The following SAMD12 variants were observed in gnomAD, a reference collection of about 807,000 sequenced individuals.
SAMD12 encodes the protein sterile alpha motif domain containing 12, also known as sterile alpha motif domain-containing protein 12.
A neutral mutation model predicts 15.0 loss-of-function variants in SAMD12; 9 were observed. The observed-to-expected ratio is 0.60, with a 90% CI of 0.36 to 1.05. The LOEUF (loss-of-function observed/expected upper bound fraction) is 1.05, where lower values mean the gene tolerates loss of function less well. Among genes scored for constraint, SAMD12 ranks in the 50% least tolerant of loss-of-function variants. SAMD12 has a pLI of 0.01. For missense variants in SAMD12, 230 were observed against 234.2 expected (o/e 0.98, Z 0.12); for synonymous variants, 86 against 90.1 (o/e 0.96, Z 0.25).
chr8:118,614,633 A>G (rs1828195386), intron 1 of SAMD12, among the ~76,000 whole-genome samples: 2 of 152,340 alleles, frequency 1.3e-5, no homozygotes, highest in Middle Eastern at 3.4e-3. Flanking sequence ...GCCGAATAGA[A>G]CACAAATACC....
chr8:118,324,834 G>A (rs997943734), intron 4 of SAMD12, among the ~76,000 whole-genome samples: 4 of 152,202 alleles, frequency 2.6e-5, no homozygotes, highest in Admixed American at 6.5e-5. Context: ...GGTGCAGTAA[G>A]CGGAGGTCAT....
chr8:118,539,885 G>T (rs1825942863), intron 2 of SAMD12, among the ~76,000 whole-genome samples: 1 of 152,148 alleles, frequency 6.6e-6, no homozygotes, highest in African/African-American at 2.4e-5. Context: ...CCTGGAGACA[G>T]AATACTTTCT....
chr8:118,515,206 TG>T (rs1397245471), intron 2 of SAMD12, among the ~76,000 whole-genome samples: 34 of 147,126 alleles, frequency 2.3e-4, no homozygotes, highest in Non-Finnish European at 3.0e-4. Context: ...TTTTTTTTTT[TG>T]TATTTTCAGT....
chr8:118,251,313 C>A (rs1236165353), intron 4 of SAMD12, among the ~76,000 whole-genome samples: 1 of 152,152 alleles, frequency 6.6e-6, no homozygotes, highest in Non-Finnish European at 1.5e-5. Context: ...CCACACATAA[C>A]ACAGAGAAGC....
chr8:118,598,477 C>T (rs1827777796), intron 1 of SAMD12, among the ~76,000 whole-genome samples: 1 of 152,208 alleles, frequency 6.6e-6, no homozygotes, highest in Non-Finnish European at 1.5e-5. Flanking sequence ...TTCCAGCCTC[C>T]AGAAGTGTGA....
At chr8:118,134,602 C>T in the SAMD12 span, among the ~76,000 whole-genome samples, 1 of 152,160 alleles carries the variant, frequency 6.6e-6, no homozygotes, top group Admixed American at 6.5e-5. Flanking sequence ...CAGGGAGGGT[C>T]CAGCAATGGA....
In SAMD12 at chr8:118,329,057, G is replaced by A. The variant is rs552720384; in HGVS notation, c.433+50503C>T. 1.7e-3 allele frequency among the ~76,000 whole-genome samples: 254 copies of A among 152,232 alleles called. 1 individual carries two copies. The highest frequency in any genetic ancestry group is 5.6e-3 in the African/African-American group (233 of 41,538). On this transcript the variant is annotated intron_variant, in intron 4 of 4. Transcript: ENST00000409003. The stretch of plus-strand genomic sequence containing the variant: ...CCTCGAATTGAGGAAAAACATGTAC[G>A]TCACCTCCTAAGAGTGCAGCACAGT...
intron 2 of SAMD12, among the ~76,000 whole-genome samples, chr8:118,531,244 T>G (rs893625230): frequency 2.0e-5 from 3 of 152,208 alleles, no homozygotes; most frequent in Admixed American, 1.3e-4. Flanking sequence ...GTTGTAGATA[T>G]GTGGTATTAT....
At chr8:118,567,724 A>G (rs1323916638) in intron 2 of SAMD12, among the ~76,000 whole-genome samples, 6 of 152,222 alleles carry the variant, frequency 3.9e-5, no homozygotes, top group Admixed American at 3.9e-4. Flanking sequence ...GCAATTAATT[A>G]TCATTTGATC....
Position 118,439,977 on chromosome 8 carries a change from G to C in SAMD12, c.193-16C>G. On this transcript the variant is annotated splice_polypyrimidine_tract_variant and intron_variant, in intron 2 of 3. Coordinates refer to ENST00000314727, the MANE Select transcript of SAMD12 (RefSeq NM_207506.3). ...CCGTAGCTGACTATAAATAAAGAAG[G>C]AAGATCTGTCAATGCTGGCCCCATG... The C allele has an allele frequency of 6.2e-7, 1 of 1,613,160 alleles. No homozygotes were observed. Among genetic ancestry groups the C allele is most frequent in the South Asian group, 1.1e-5 (1 of 91,030 alleles).
intron 4 of SAMD12, among the ~76,000 whole-genome samples, chr8:118,313,114 G>T (rs955952708): frequency 2.0e-5 from 3 of 152,150 alleles, no homozygotes; most frequent in Non-Finnish European, 2.9e-5. Context: ...ATTAATGGAA[G>T]TATTTAAGAG....
At chr8:118,318,721 A>C (rs756467991) in intron 4 of SAMD12, among the ~76,000 whole-genome samples, 1 of 152,118 alleles carries the variant, frequency 6.6e-6, no homozygotes, top group Non-Finnish European at 1.5e-5. Context: ...GAAATAAAAA[A>C]AATATTAAAT....
intron 1 of SAMD12, among the ~76,000 whole-genome samples, chr8:118,604,045 C>T (rs893671557): frequency 6.6e-6 from 1 of 152,112 alleles, no homozygotes; most frequent in Non-Finnish European, 1.5e-5. Flanking sequence ...TACTTCCTGG[C>T]ATATAGTACT....
chr8:118,500,862 CTTATAT>C (rs1297819384), intron 2 of SAMD12, among the ~76,000 whole-genome samples: 1 of 152,028 alleles, frequency 6.6e-6, no homozygotes, highest in African/African-American at 2.4e-5. Context: ...ATTATTTTAC[CTTATAT>C]TTATATGTAT....
the SAMD12 span, among the ~76,000 whole-genome samples, chr8:118,144,757 C>G: frequency 6.6e-6 from 1 of 152,086 alleles, no homozygotes; most frequent in Non-Finnish European, 1.5e-5. Context: ...ACTAGAAATT[C>G]TGAGATTGGG....
At chr8:118,460,592 G>A (rs1823387806) in intron 2 of SAMD12, among the ~76,000 whole-genome samples, 1 of 152,166 alleles carries the variant, frequency 6.6e-6, no homozygotes. Flanking sequence ...GTATCTCTAG[G>A]ACAGAGGTGC....
chr8:118,514,185 T>C (rs1330543919), intron 2 of SAMD12, among the ~76,000 whole-genome samples: 2 of 152,178 alleles, frequency 1.3e-5, no homozygotes, highest in African/African-American at 4.8e-5. Context: ...TAAGTTTCCA[T>C]ACAACTCTCT....
At chr8:118,334,159 T>G (rs1293042288) in intron 4 of SAMD12, among the ~76,000 whole-genome samples, 1 of 152,190 alleles carries the variant, frequency 6.6e-6, no homozygotes, top group African/African-American at 2.4e-5. Flanking sequence ...GTATTCTAAT[T>G]TATCTGTTTA....
At chr8:118,342,273 G>A (rs185518466) in intron 4 of SAMD12, among the ~76,000 whole-genome samples, 6 of 137,624 alleles carry the variant, frequency 4.4e-5, no homozygotes, top group Admixed American at 1.5e-4. Flanking sequence ...CAGCCTGGGC[G>A]ACAGAGCAAG....
Sources: allele counts gnomAD v4.1 joint callset (sites outside exome capture counted in the v4.1 genomes callset), GRCh38; gene constraint gnomAD v4.1.1; transcripts MANE v1.5; gene names NCBI Gene and HGNC (gene_info 2026-07-23, HGNC 2026-07-21).